PRR16: variants seen among roughly 807,000 people sequenced by gnomAD.
PRR16 encodes the protein proline rich 16.
PRR16 carries 6 observed loss-of-function variants against 18.2 expected under a neutral mutation model. The ratio of observed to expected loss-of-function variants is 0.33; its 90% CI spans 0.18 to 0.65. PRR16 has a LOEUF of 0.65. Among genes scored for constraint, PRR16 ranks in the 30% least tolerant of loss-of-function variants. PRR16 has a pLI of 0.74. For missense variants in PRR16, 412 were observed against 376.6 expected, an observed-to-expected ratio of 1.09 and a Z score of -0.78; for synonymous variants, 151 against 147.8, an observed-to-expected ratio of 1.02 and a Z score of -0.16.
chr5:120,708,906 C>A, the PRR16 span, among the ~76,000 whole-genome samples: 1 of 147,354 alleles, frequency 6.8e-6, no homozygotes, highest in African/African-American at 2.5e-5. Context: ...TGTAGGAAGT[C>A]TTTGCGGGAA....
the PRR16 span, among the ~76,000 whole-genome samples, chr5:120,763,615 T>A: frequency 1.3e-5 from 2 of 152,118 alleles, no homozygotes; most frequent in Non-Finnish European, 2.9e-5. Flanking sequence ...TTGATAAAAA[T>A]TATACTTAAT....
the PRR16 span, among the ~76,000 whole-genome samples, chr5:120,742,217 T>A: frequency 6.6e-6 from 1 of 151,264 alleles, no homozygotes; most frequent in Non-Finnish European, 1.5e-5. Context: ...AACATGTTAG[T>A]TTGAATTTCT....
the PRR16 span, among the ~76,000 whole-genome samples, chr5:120,749,308 A>C: frequency 6.6e-6 from 1 of 152,136 alleles, no homozygotes; most frequent in Non-Finnish European, 1.5e-5. Context: ...GAAGCACAAA[A>C]TTTAACTTGA....
At chr5:120,625,118 T>A (rs1253448188) in intron 1 of PRR16, among the ~76,000 whole-genome samples, 1 of 152,146 alleles carries the variant, frequency 6.6e-6, no homozygotes, top group Non-Finnish European at 1.5e-5. Flanking sequence ...ATAATTACTT[T>A]TTACATTTTT....
Position 120,686,867 on chromosome 5 carries a change from C to A in PRR16, c.*158C>A. On this transcript the variant is annotated 3_prime_UTR_variant, in exon 2 of 2. Transcript: ENST00000407149. ...CACCTGGTAAGTATGCAGCACATTG[C>A]TTATATCCTGGGTATGCATTATTTT... 1 of 481,822 alleles carries A rather than the reference C, an allele frequency of 2.1e-6. No individual in the cohort carries two copies. The allele number at this position is 481,822 out of a possible 1,614,324, so 29.8% of individuals were successfully genotyped here. A position where few individuals can be genotyped will look rare whatever the true frequency, so the allele number is the denominator to read the frequency against.
intron 1 of PRR16, among the ~76,000 whole-genome samples, chr5:120,661,659 C>T (rs1327863752): frequency 6.6e-6 from 1 of 151,934 alleles, no homozygotes; most frequent in African/African-American, 2.4e-5. Flanking sequence ...ACAGAGAGAT[C>T]TTTGCCTTGG....
the PRR16 span, among the ~76,000 whole-genome samples, chr5:120,763,780 A>C: frequency 6.6e-6 from 1 of 151,758 alleles, no homozygotes; most frequent in Admixed American, 6.6e-5. Flanking sequence ...TTCTTGGTTA[A>C]ATTTATTCCT....
intron 1 of PRR16, among the ~76,000 whole-genome samples, chr5:120,476,627 TA>T (rs1425526756): frequency 6.6e-6 from 1 of 152,164 alleles, no homozygotes; most frequent in African/African-American, 2.4e-5. Flanking sequence ...GAGAGCCTGT[TA>T]TTTCCCATTT....
chr5:120,688,176 A>G (rs1339994332), downstream of PRR16, among the ~76,000 whole-genome samples: 1 of 152,228 alleles, frequency 6.6e-6, no homozygotes, highest in African/African-American at 2.4e-5. Context: ...GGTAATTTGA[A>G]TAGTGTTTTT....
Position 120,607,054 on chromosome 5 carries a change from A to G in PRR16, c.160-78900A>G, listed in dbSNP as rs1211394245. 3.3e-5 allele frequency among the ~76,000 whole-genome samples: 5 copies of G among 152,178 alleles called. 1 individual carries two copies. In the South Asian group the frequency reaches 8.3e-4, roughly 25 times the overall value. On this transcript the variant is annotated intron_variant, in intron 1 of 1. Transcript: ENST00000407149. ...CATTTGGAAAAGATCATTTTATTCT[A>G]TTAGATTGTTGCATGTAGAAATTTT...
At chr5:120,669,935 G>A (rs932218402) in intron 1 of PRR16, among the ~76,000 whole-genome samples, 3 of 151,842 alleles carry the variant, frequency 2.0e-5, no homozygotes, top group South Asian at 2.1e-4. Flanking sequence ...AAACAACGGC[G>A]TTTATATGAC....
chr5:120,741,409 T>A, the PRR16 span, among the ~76,000 whole-genome samples: 7 of 152,184 alleles, frequency 4.6e-5, no homozygotes, highest in East Asian at 1.3e-3. Flanking sequence ...CTATCATCTA[T>A]AAACAAGGAA....
At chr5:120,703,767 A>C in the PRR16 span, among the ~76,000 whole-genome samples, 4 of 152,230 alleles carry the variant, frequency 2.6e-5, no homozygotes, top group Admixed American at 6.5e-5. Flanking sequence ...ATGGTTAAAA[A>C]GTGTGACATT....
chr5:120,706,534 G>A, the PRR16 span, among the ~76,000 whole-genome samples: 2 of 152,188 alleles, frequency 1.3e-5, no homozygotes, highest in Middle Eastern at 6.9e-3. Context: ...CACTATACCT[G>A]ATCTTTGAAA....
chr5:120,788,017 C>A, the PRR16 span, among the ~76,000 whole-genome samples: 5 of 151,884 alleles, frequency 3.3e-5, no homozygotes, highest in African/African-American at 1.2e-4. Context: ...GCTTGAAATA[C>A]CCTTATTTCA....
At chr5:120,728,510 AG>A in the PRR16 span, among the ~76,000 whole-genome samples, 1 of 152,126 alleles carries the variant, frequency 6.6e-6, no homozygotes, top group Non-Finnish European at 1.5e-5. Context: ...ATACCTGTCC[AG>A]ATCATACTAA....
At position 120,594,995 on chromosome 5, in the gene PRR16, A is replaced by G. The variant is rs534256401; in HGVS notation, c.160-90959A>G. Among the ~76,000 whole-genome samples the G allele has an allele frequency of 3.3e-5, 5 of 152,214 alleles. No individual in the cohort carries two copies. In the South Asian group the frequency reaches 1.0e-3, roughly 32 times the overall value. On this transcript the variant is annotated intron_variant, in intron 1 of 1. Coordinates refer to ENST00000407149, the MANE Select transcript of PRR16 (RefSeq NM_001300783.2). The stretch of plus-strand genomic sequence containing the variant: ...AGACTTAAATGTATAACCTAAAACT[A>G]TAAAAACCATGGAAGATAACCTAGG...
At chr5:120,763,020 T>C in the PRR16 span, among the ~76,000 whole-genome samples, 6 of 152,154 alleles carry the variant, frequency 3.9e-5, no homozygotes, top group African/African-American at 1.4e-4. Context: ...GTACTAAAGA[T>C]AATGTACTTT....
intron 1 of PRR16, among the ~76,000 whole-genome samples, chr5:120,585,385 AGG>A (rs1470379152): frequency 3.9e-5 from 6 of 151,948 alleles, no homozygotes; most frequent in Non-Finnish European, 8.8e-5. Context: ...TGAGATGGGC[AGG>A]TCACTTGAGG....
Sources: gnomAD v4.1 joint callset for allele counts (sites outside exome capture counted in the v4.1 genomes callset) on GRCh38, gnomAD v4.1.1 for gene constraint, MANE v1.5 for transcripts, NCBI Gene and HGNC (gene_info 2026-07-23, HGNC 2026-07-21) for gene names.